TTC7B: variants seen among roughly 807,000 people sequenced by gnomAD.
The protein encoded by TTC7B is tetratricopeptide repeat protein 7B.
Under a neutral mutation model 106.8 loss-of-function variants are expected in TTC7B, and 28 were observed. That is an observed-to-expected ratio of 0.26 (90% CI 0.19 to 0.36). The LOEUF (loss-of-function observed/expected upper bound fraction) is 0.36, where lower values mean the gene tolerates loss of function less well. Ranked by LOEUF, TTC7B falls within the 10% of genes least tolerant of loss-of-function variation. TTC7B has a pLI of 1.00. For missense variants in TTC7B, 862 were observed against 1,076.4 expected, an observed-to-expected ratio of 0.80 and a Z score of 2.79; for synonymous variants, 405 against 430.6, an observed-to-expected ratio of 0.94 and a Z score of 0.74.
At chr14:90,583,855 A>C (rs1029195723) in intron 18 of TTC7B, among the ~76,000 whole-genome samples, 2 of 152,208 alleles carry the variant, frequency 1.3e-5, no homozygotes, top group African/African-American at 4.8e-5. Flanking sequence ...TACAAAGCTT[A>C]TTTGGCATGA....
rs113617668 is a variant in TTC7B at position 90,736,719 on chromosome 14, C to CA, written c.577-6524dup. ...GGGCAACAAAGTGAGAACCTGTCTA[C>CA]AAAAAATTTAAAAATAGGCCGGGCA... On this transcript the variant is annotated intron_variant, in intron 4 of 19. Transcript: ENST00000328459. Among the ~76,000 whole-genome samples the CA allele has an allele frequency of 2.2e-3, 334 of 151,570 alleles. 1 individual carries two copies. The highest frequency in any genetic ancestry group is 7.7e-3 in the African/African-American group (319 of 41,288).
At position 90,589,477 on chromosome 14, in the gene TTC7B, A is replaced by G. The variant is rs895722933; in HGVS notation, c.2107+4009T>C. Among the ~76,000 whole-genome samples the G allele has an allele frequency of 2.0e-5, 3 of 152,270 alleles. No homozygotes were observed. In the South Asian group the frequency reaches 6.2e-4, roughly 31 times the overall value. ...AATACAATGTAAATGCTATTTAAAT[A>G]GTTCTTATACTGTATTGTTTAGGGA... On this transcript the variant is annotated intron_variant, in intron 18 of 19. Transcript: ENST00000328459.
At chr14:90,596,736 C>T (rs562515143) in intron 17 of TTC7B, among the ~76,000 whole-genome samples, 4 of 152,250 alleles carry the variant, frequency 2.6e-5, no homozygotes, top group East Asian at 1.9e-4. Flanking sequence ...CTTATTAGAC[C>T]GTGTGGGTCT....
intron 3 of TTC7B, among the ~76,000 whole-genome samples, chr14:90,758,809 C>T (rs774274120): frequency 3.3e-5 from 5 of 152,192 alleles, no homozygotes; most frequent in Non-Finnish European, 5.9e-5. Flanking sequence ...CTGCTAGCCG[C>T]AGTCCAGGAA....
At position 90,710,118 on chromosome 14, in the gene TTC7B, C is replaced by T. The variant is rs1008523804; in HGVS notation, c.699-14540G>A. On this transcript the variant is annotated intron_variant, in intron 5 of 19. Transcript: ENST00000328459. ...ACCATTCTAGATACCACTAAGAACA[C>T]TTGTGATTCATGGGAGGACATCCAA... Among the ~76,000 whole-genome samples, 3 of 145,990 alleles carry T rather than the reference C, an allele frequency of 2.1e-5. No homozygotes were observed. In the South Asian group the frequency reaches 6.7e-4, roughly 33 times the overall value.
At chr14:90,715,703 T>C (rs1888629026) in intron 5 of TTC7B, among the ~76,000 whole-genome samples, 1 of 152,170 alleles carries the variant, frequency 6.6e-6, no homozygotes, top group African/African-American at 2.4e-5. Flanking sequence ...CCAGAGTCAG[T>C]GCTGCACAAC....
Position 90,808,158 on chromosome 14 carries a change from G to A in TTC7B, c.121+8017C>T, listed in dbSNP as rs142667040. The stretch of plus-strand genomic sequence containing the variant: ...CCAGAATCTGGCACACAAGAGAGAC[G>A]CAAGAGGCTGGGCACAGTGGCTCAC... On this transcript the variant is annotated intron_variant, in intron 1 of 19. Coordinates refer to ENST00000328459, the MANE Select transcript of TTC7B (RefSeq NM_001010854.2). The surrounding 1 kb of genome is among the most constrained non-coding windows in gnomAD (Gnocchi z 4.2). Among the ~76,000 whole-genome samples, 397 of 152,278 alleles carry A rather than the reference G, an allele frequency of 2.6e-3. 2 individuals are homozygous for A. Among genetic ancestry groups the A allele is most frequent in the African/African-American group, 8.9e-3 (369 of 41,546 alleles).
chr14:90,689,202 A>C (rs1887368269), intron 7 of TTC7B, among the ~76,000 whole-genome samples: 1 of 152,224 alleles, frequency 6.6e-6, no homozygotes, highest in South Asian at 2.1e-4. Context: ...GTTAGATGTT[A>C]GATGGCTTAC....
At chr14:90,695,196 A>AT (rs1566840885) in intron 6 of TTC7B, among the ~76,000 whole-genome samples, 1 of 7,266 alleles carries the variant, frequency 1.4e-4, no homozygotes. Flanking sequence ...TATACATTTT[A>AT]GTATAAAACA....
chr14:90,637,497 G>C (rs923416764), intron 15 of TTC7B, among the ~76,000 whole-genome samples: 5 of 151,932 alleles, frequency 3.3e-5, no homozygotes, highest in Non-Finnish European at 7.4e-5. Context: ...AAAAGAAAAA[G>C]TACTACTCCA....
In TTC7B at chr14:90,802,428, C is replaced by G. The variant is rs1172612411; in HGVS notation, c.121+13747G>C. 1.3e-5 allele frequency among the ~76,000 whole-genome samples: 2 copies of G among 151,926 alleles called. No homozygotes were observed. The highest frequency in any genetic ancestry group is 2.9e-5 in the Non-Finnish European group (2 of 68,006). On this transcript the variant is annotated intron_variant, in intron 1 of 19. Transcript: ENST00000328459. This position sits in a 1 kb window ranked among gnomAD's most constrained non-coding sequence, Gnocchi z 4.7. ...GGATTCTGAGCACAGGTGAAGGAGC[C>G]GCTGGCCTCTGAAGGGAGTGAGGGC...
intron 1 of TTC7B, among the ~76,000 whole-genome samples, chr14:90,809,343 C>G (rs941158887): frequency 2.6e-5 from 4 of 152,274 alleles, no homozygotes. Context: ...AATTCACATG[C>G]TTGCACTTCA....
At chr14:90,562,086 T>C (rs1218705718) in intron 19 of TTC7B, among the ~76,000 whole-genome samples, 1 of 152,134 alleles carries the variant, frequency 6.6e-6, no homozygotes, top group African/African-American at 2.4e-5. Context: ...CAGCTGCTGC[T>C]GCCCCCAAAA....
intron 1 of TTC7B, among the ~76,000 whole-genome samples, chr14:90,803,110 T>C (rs1449465566): frequency 6.6e-6 from 1 of 151,070 alleles, no homozygotes; most frequent in Non-Finnish European, 1.5e-5. Context: ...ACCACTGCAC[T>C]CCAGCCTGGG....
intron 15 of TTC7B, among the ~76,000 whole-genome samples, chr14:90,619,746 A>T (rs1040650910): frequency 6.6e-6 from 1 of 152,108 alleles, no homozygotes; most frequent in African/African-American, 2.4e-5. Flanking sequence ...TGTTTTCTGG[A>T]TGTGATTTTC....
intron 16 of TTC7B, among the ~76,000 whole-genome samples, chr14:90,616,997 A>G (rs1354078649): frequency 6.6e-6 from 1 of 152,206 alleles, no homozygotes; most frequent in East Asian, 1.9e-4. Context: ...TCCTTCACTT[A>G]GTAATCTAAA....
intron 1 of TTC7B, among the ~76,000 whole-genome samples, chr14:90,804,480 G>A (rs576784176): frequency 6.6e-6 from 1 of 152,298 alleles, no homozygotes; most frequent in South Asian, 2.1e-4. Flanking sequence ...AATGAGATCT[G>A]GGCCGGGCCT....
chr14:90,605,455 G>T, intron 17 of TTC7B: 1 of 723,332 alleles, frequency 1.4e-6, no homozygotes, highest in Non-Finnish European at 1.8e-6. Context: ...GCCCCAAACA[G>T]CTTTTGGATT....
chr14:90,699,331 C>T (rs1206526306), intron 5 of TTC7B: 2 of 409,920 alleles, frequency 4.9e-6, no homozygotes, highest in Non-Finnish European at 9.6e-6. Flanking sequence ...ATCATTTCAG[C>T]TTGTAATGAG....
Sources: allele counts gnomAD v4.1 joint callset (sites outside exome capture counted in the v4.1 genomes callset), GRCh38; gene constraint gnomAD v4.1.1; non-coding constraint Gnocchi (gnomAD v3.1); transcripts MANE v1.5; gene names NCBI Gene and HGNC (gene_info 2026-07-23, HGNC 2026-07-21).